Variants in SSH1 observed in about 807,000 individuals in gnomAD.
SSH1 encodes slingshot protein phosphatase 1.
SSH1 carries 43 observed loss-of-function variants against 79.7 expected under a neutral mutation model. The ratio of observed to expected loss-of-function variants is 0.54; its 90% CI spans 0.42 to 0.70. The LOEUF is 0.70. SSH1 is among the 30% of genes least tolerant of loss of function. SSH1 has a pLI of 0.00. For missense variants in SSH1, 1,206 were observed against 1,358.8 expected (o/e 0.89, Z 1.77); for synonymous variants, 599 against 538.3 (o/e 1.11, Z -1.56).
Position 108,857,337 on chromosome 12 carries a change from G to T in SSH1, c.69+91C>A. 1.3e-6 allele frequency: 1 copy of T among 767,082 alleles called. No individual in the cohort carries two copies. Among genetic ancestry groups the T allele is most frequent in the Non-Finnish European group, 1.6e-6 (1 of 631,096 alleles). The allele number at this position is 767,082 out of a possible 1,614,324, so 47.5% of individuals were successfully genotyped here. On this transcript the variant is annotated intron_variant, in intron 1 of 14. Transcript: ENST00000326495. The surrounding 1 kb of genome is among the most constrained non-coding windows in gnomAD (Gnocchi z 4.7). ...GGGGCCCCGAGGAGCCCGCGCAGCC[G>T]CCCCCCTGCCCCGCACGCGCGGCCC... is the stretch of plus-strand genomic sequence containing the variant.
In SSH1 at chr12:108,788,028, G is replaced by A. The variant is rs111788656; in HGVS notation, c.3110C>T (p.Pro1037Leu). 39 of 1,614,118 alleles carry A rather than the reference G, an allele frequency of 2.4e-5. No homozygotes were observed. Among genetic ancestry groups the A allele is most frequent in the African/African-American group, 1.9e-4 (14 of 75,028 alleles). Residue 1037 changes from proline to leucine, a missense_variant, in exon 15 of 15, where the codon CCA becomes CTA. Pro to Leu is a moderately conservative substitution (Grantham distance 98, BLOSUM62 -3). Around this residue, in one of 5 missense-constraint regions of SSH1, gnomAD observed 709 missense variants for 730.6 expected, o/e 0.97. Transcript: ENST00000326495. ...ATSKPSGKPA[P>L]ENLKSPSWMS... Reference sequence around the variant, plus strand: ...CCACGAAGGGCTCTTTAAGTTTTCTGGGGCGGGTTTCCCTGATGGTTTGGA... The same window carrying A: ...CCACGAAGGGCTCTTTAAGTTTTCTAGGGCGGGTTTCCCTGATGGTTTGGA...
chr12:108,794,394 C>T (rs954588157), intron 13 of SSH1, among the ~76,000 whole-genome samples: 2 of 152,196 alleles, frequency 1.3e-5, no homozygotes, highest in African/African-American at 4.8e-5. Flanking sequence ...TGAGGGGCCG[C>T]GGTGTACCTC....
At chr12:108,855,452 A>G (rs1405586713) in intron 1 of SSH1, among the ~76,000 whole-genome samples, 1 of 152,196 alleles carries the variant, frequency 6.6e-6, no homozygotes, top group Non-Finnish European at 1.5e-5. Context: ...TGTATATACT[A>G]AAAACCACTG....
At chr12:108,789,801 C>T (rs1429189083) in intron 14 of SSH1, among the ~76,000 whole-genome samples, 1 of 152,134 alleles carries the variant, frequency 6.6e-6, no homozygotes, top group Admixed American at 6.5e-5. Context: ...ACCCCGCCTG[C>T]ACAGGACTGT....
chr12:108,780,123 G>T lies in SSH1; in HGVS notation c.*7865C>A, dbSNP rs745456603. The T allele has an allele frequency of 6.6e-6, 1 of 152,248 alleles. No homozygotes were observed. The highest frequency in any genetic ancestry group is 6.5e-5 in the Admixed American group (1 of 15,288). 9.4% of individuals were successfully genotyped at this position (152,248 alleles called of 1,614,324 possible). On this transcript the variant is annotated 3_prime_UTR_variant, in exon 15 of 15. Coordinates refer to ENST00000326495, the MANE Select transcript of SSH1 (RefSeq NM_018984.4). The stretch of plus-strand genomic sequence containing the variant: ...GATGCGTGGGTGGGTGGTGTTTCCT[G>T]GGTGGAGCTCTCCTTTAGAAAGGGC...
intron 11 of SSH1, among the ~76,000 whole-genome samples, chr12:108,801,543 T>C (rs2037005062): frequency 6.6e-6 from 1 of 152,198 alleles, no homozygotes. Context: ...CATTAATTTA[T>C]TCCCAGCAAG....
intron 3 of SSH1, 113 bp downstream of exon 3, chr12:108,823,145 T>C (rs746191462): frequency 9.8e-7 from 1 of 1,022,594 alleles, no homozygotes; most frequent in Non-Finnish European, 1.5e-6. Context: ...ACTGCAAACC[T>C]GCGTCCACTA....
chr12:108,795,752 TG>T (rs1317729177), intron 13 of SSH1, among the ~76,000 whole-genome samples: 1 of 151,872 alleles, frequency 6.6e-6, no homozygotes, highest in Non-Finnish European at 1.5e-5. Flanking sequence ...CCCAGCTGTT[TG>T]GGGGGCTGAG....
chr12:108,847,915 C>G (rs2038934686), intron 2 of SSH1, among the ~76,000 whole-genome samples: 1 of 152,188 alleles, frequency 6.6e-6, no homozygotes, highest in African/African-American at 2.4e-5. Context: ...CCTGCTTTCT[C>G]TGAAGAGAGG....
At chr12:108,801,027 T>A in intron 11 of SSH1, 101 bp from the exon 12 acceptor site, 1 of 1,191,708 alleles carries the variant, frequency 8.4e-7, no homozygotes, top group Non-Finnish European at 1.2e-6. Flanking sequence ...AAACACACAT[T>A]AACCAAGGGT....
chr12:108,831,005 T>A (rs1396830795), intron 2 of SSH1, among the ~76,000 whole-genome samples: 2 of 152,002 alleles, frequency 1.3e-5, no homozygotes, highest in African/African-American at 4.8e-5. Flanking sequence ...TGTCAACTCA[T>A]CTGATCTTCA....
At chr12:108,845,948 T>A (rs955980828) in intron 2 of SSH1, among the ~76,000 whole-genome samples, 3 of 151,762 alleles carry the variant, frequency 2.0e-5, no homozygotes, top group Non-Finnish European at 4.4e-5. Context: ...AAAGTAGGGG[T>A]GTTCAATGAA....
At position 108,798,132 on chromosome 12, in the gene SSH1, G is replaced by A. The variant is rs117953645; in HGVS notation, c.1349+868C>T. Reference sequence around the variant, plus strand: ...CTCACCCCAGTTCCTGCACTAGTTCGCTTGTACGCTCCCTCCCATGAGGGG... The same window carrying A: ...CTCACCCCAGTTCCTGCACTAGTTCACTTGTACGCTCCCTCCCATGAGGGG... On this transcript the variant is annotated intron_variant, in intron 13 of 14. Coordinates refer to ENST00000326495, the MANE Select transcript of SSH1 (RefSeq NM_018984.4). Among the ~76,000 whole-genome samples, 181 of 152,340 alleles carry A rather than the reference G, an allele frequency of 1.2e-3. 1 individual carries two copies. In the East Asian group the frequency reaches 0.033, roughly 28 times the overall value.
At position 108,792,277 on chromosome 12, in the gene SSH1, T is replaced by C; in HGVS notation, c.1893+9A>G. On this transcript the variant is annotated intron_variant, in intron 14 of 14. Transcript: ENST00000326495. ...GGGTGTGCCACCCTGCAGGCCGGGC[T>C]CTGCCTACCTCCATGCCGTTGGGAC... 1 of 1,614,160 alleles carries C rather than the reference T, an allele frequency of 6.2e-7. No individual in the cohort carries two copies. Among genetic ancestry groups the C allele is most frequent in the East Asian group, 2.2e-5 (1 of 44,884 alleles).
intron 5 of SSH1, among the ~76,000 whole-genome samples, chr12:108,816,643 C>T (rs1273680528): frequency 1.3e-5 from 2 of 152,172 alleles, no homozygotes; most frequent in Non-Finnish European, 2.9e-5. Flanking sequence ...ATACTTCTCC[C>T]CGGGCCCCTC....
At chr12:108,833,258 C>CA (rs752932422) in intron 2 of SSH1, among the ~76,000 whole-genome samples, 9 of 152,058 alleles carry the variant, frequency 5.9e-5, no homozygotes, top group Non-Finnish European at 8.8e-5. Context: ...CCTCAGGCCC[C>CA]ATGGAAGCTG....
At chr12:108,798,139 C>T (rs1359143437) in intron 13 of SSH1, among the ~76,000 whole-genome samples, 8 of 152,234 alleles carry the variant, frequency 5.3e-5, no homozygotes, top group South Asian at 4.1e-4. Context: ...TTCGCTTGTA[C>T]GCTCCCTCCC....
chr12:108,833,278 C>A (rs1471901365), intron 2 of SSH1, among the ~76,000 whole-genome samples: 1 of 152,062 alleles, frequency 6.6e-6, no homozygotes, highest in Non-Finnish European at 1.5e-5. Context: ...GGAGCTAATG[C>A]ATCTTCCTCC....
chr12:108,793,181 AAATAAG>A (rs1232306208), intron 13 of SSH1, among the ~76,000 whole-genome samples: 2 of 152,150 alleles, frequency 1.3e-5, no homozygotes, highest in East Asian at 1.9e-4. Context: ...TTTCTCTGTC[AAATAAG>A]AATAACAACG....
Sources: allele counts gnomAD v4.1 joint callset (sites outside exome capture counted in the v4.1 genomes callset), GRCh38; gene constraint gnomAD v4.1.1; regional missense constraint gnomAD v4.1.1; non-coding constraint Gnocchi (gnomAD v3.1); transcripts MANE v1.5; gene names NCBI Gene and HGNC (gene_info 2026-07-23, HGNC 2026-07-21).